FHL2: variants seen among roughly 807,000 people sequenced by gnomAD.
FHL2 encodes four and a half LIM domains 2.
FHL2 carries 20 observed loss-of-function variants against 32.7 expected under a neutral mutation model. That is an observed-to-expected ratio of 0.61 (90% CI 0.43 to 0.89). The LOEUF is 0.89. Ranked by LOEUF, FHL2 falls within the 40% of genes least tolerant of loss-of-function variation. FHL2 has a pLI of 0.00. For missense variants in FHL2, 311 were observed against 358.6 expected, an observed-to-expected ratio of 0.87 and a Z score of 1.07; for synonymous variants, 123 against 128.1, an observed-to-expected ratio of 0.96 and a Z score of 0.27.
At chr2:105,386,018 G>A (rs140608729) in intron 3 of FHL2, 11 of 403,750 alleles carry the variant, frequency 2.7e-5, no homozygotes, top group East Asian at 3.6e-5. Flanking sequence ...TACTCACCAC[G>A]GGGCAAACAG....
intron 5 of FHL2, among the ~76,000 whole-genome samples, chr2:105,366,869 C>G (rs1390135047): frequency 1.3e-5 from 2 of 152,210 alleles, no homozygotes; most frequent in East Asian, 3.9e-4. Context: ...CCTCAGTCTC[C>G]TGAGTAGCTG....
At chr2:105,438,051 T>A (rs1186247395) in intron 1 of FHL2, among the ~76,000 whole-genome samples, 2 of 152,220 alleles carry the variant, frequency 1.3e-5, no homozygotes, top group African/African-American at 2.4e-5. Context: ...CCTTAAAAAA[T>A]GTTTTCCGTT....
intron 1 of FHL2, among the ~76,000 whole-genome samples, chr2:105,421,711 T>C (rs1019306447): frequency 2.0e-5 from 3 of 152,212 alleles, no homozygotes; most frequent in African/African-American, 7.2e-5. Flanking sequence ...AGCTCAGTTA[T>C]ACTATGGCTT....
chr2:105,398,950 A>G lies in FHL2; in HGVS notation c.-184T>C. 5 of 1,526,948 alleles carry G rather than the reference A, an allele frequency of 3.3e-6. No individual in the cohort carries two copies. The South Asian group carries it at 3.8e-5, about 11-fold the overall frequency. The allele number at this position is 1,526,948 out of a possible 1,614,324, so 94.6% of individuals were successfully genotyped here. A position where few individuals can be genotyped will look rare whatever the true frequency, so the allele number is the denominator to read the frequency against. On this transcript the variant is annotated 5_prime_UTR_variant, in exon 1 of 7. Transcript: ENST00000530340. ...GCCCCTCGGCCTCCCTCCGGGGCGC[A>G]GGGGGTTGGAGGTACTCACGGCACC...
chr2:105,433,043 A>G (rs1164129909), intron 1 of FHL2, among the ~76,000 whole-genome samples: 1 of 152,256 alleles, frequency 6.6e-6, no homozygotes, highest in Non-Finnish European at 1.5e-5. Context: ...CACTGTGTGC[A>G]GGTTACAGTG....
chr2:105,383,725 C>T (rs1275347068), intron 3 of FHL2, among the ~76,000 whole-genome samples: 2 of 152,170 alleles, frequency 1.3e-5, no homozygotes, highest in African/African-American at 4.8e-5. Context: ...GGCTTTACTT[C>T]CAGAAAAAAA....
chr2:105,384,884 G>C (rs1210314109), intron 3 of FHL2, among the ~76,000 whole-genome samples: 1 of 152,198 alleles, frequency 6.6e-6, no homozygotes, highest in African/African-American at 2.4e-5. Flanking sequence ...CACAGCAAGT[G>C]AGACACAGAG....
intron 3 of FHL2, among the ~76,000 whole-genome samples, chr2:105,382,831 A>G (rs1681995707): frequency 6.6e-6 from 1 of 152,150 alleles, no homozygotes; most frequent in Non-Finnish European, 1.5e-5. Flanking sequence ...AAAATCACCA[A>G]TTTGTTAAAT....
chr2:105,423,294 T>C (rs1684159988), intron 1 of FHL2, among the ~76,000 whole-genome samples: 1 of 152,258 alleles, frequency 6.6e-6, no homozygotes, highest in Admixed American at 6.5e-5. Flanking sequence ...GCAAGCCACT[T>C]GAAGATTTCA....
Position 105,386,391 on chromosome 2 carries a change from C to A in FHL2, c.126G>T (p.Glu42Asp). ...AGTCACAGCCGATGGGCTTCCCACACTCCTCGCAGGTGTTGGCGAACAGGG... is the reference window on the plus strand; with the variant it reads ...AGTCACAGCCGATGGGCTTCCCACAATCCTCGCAGGTGTTGGCGAACAGGG... ...FETLFANTCE[E>D]CGKPIGCDCK... The change falls in exon 3 of 7, where the codon GAG (glutamate) becomes GAT (aspartate). Residue 42 changes from glutamate to aspartate, a missense_variant. Coordinates refer to ENST00000530340, the MANE Select transcript of FHL2 (RefSeq NM_001318895.3). 6.2e-7 allele frequency: 1 copy of A among 1,614,172 alleles called. No individual in the cohort carries two copies. Among genetic ancestry groups the A allele is most frequent in the East Asian group, 2.2e-5 (1 of 44,868 alleles).
rs536281332 is a variant in FHL2 at position 105,394,637 on chromosome 2, A to G, written c.-25+2010T>C. ...AGAAAGAGAAAAAAGAAAGAAAGAA[A>G]AAAAGTATCTAGCATCCACTTGAAA... On this transcript the variant is annotated intron_variant, in intron 2 of 6. Coordinates refer to ENST00000530340, the MANE Select transcript of FHL2 (RefSeq NM_001318895.3). Among the ~76,000 whole-genome samples, 5 of 152,268 alleles carry G rather than the reference A, an allele frequency of 3.3e-5. 1 individual carries two copies. The highest frequency in any genetic ancestry group is 2.1e-4 in the South Asian group (1 of 4,818).
At chr2:105,375,813 T>C (rs1459301329) in intron 3 of FHL2, 1 of 152,194 alleles carries the variant, frequency 6.6e-6, no homozygotes, top group Non-Finnish European at 1.5e-5. Flanking sequence ...GAACCCAAAC[T>C]GGGTATGCAC....
chr2:105,424,318 C>G (rs948416258), intron 1 of FHL2, among the ~76,000 whole-genome samples: 32 of 152,142 alleles, frequency 2.1e-4, no homozygotes, highest in African/African-American at 7.5e-4. Context: ...AAATCAAAAC[C>G]ACAACGAGAT....
chr2:105,414,702 G>A (rs555663780), intron 1 of FHL2, among the ~76,000 whole-genome samples: 4 of 152,214 alleles, frequency 2.6e-5, no homozygotes, highest in South Asian at 2.1e-4. Flanking sequence ...ACAGGCACAC[G>A]CTACCATGTC....
intron 1 of FHL2, among the ~76,000 whole-genome samples, chr2:105,434,625 C>T (rs530177256): frequency 4.9e-4 from 75 of 152,054 alleles, no homozygotes; most frequent in Admixed American, 2.0e-3. Flanking sequence ...AACTTGGTTG[C>T]ACCCTCGGCA....
At chr2:105,395,044 C>T (rs890877034) in intron 2 of FHL2, among the ~76,000 whole-genome samples, 15 of 152,192 alleles carry the variant, frequency 9.9e-5, no homozygotes, top group African/African-American at 9.6e-5. Flanking sequence ...TGAACCCAGC[C>T]GACAAGAATG....
At chr2:105,421,984 GC>G (rs1271089981) in intron 1 of FHL2, among the ~76,000 whole-genome samples, 2 of 152,152 alleles carry the variant, frequency 1.3e-5, no homozygotes, top group African/African-American at 4.8e-5. Context: ...TCAGCTTTTT[GC>G]CCCTCCTGGG....
At chr2:105,389,295 C>T (rs1048039616) in intron 2 of FHL2, among the ~76,000 whole-genome samples, 5 of 152,324 alleles carry the variant, frequency 3.3e-5, no homozygotes, top group East Asian at 1.9e-4. Context: ...GCAGCCATCT[C>T]GAGTTGGAGC....
rs188279857 is a variant in FHL2, at chr2:105,361,398, C to G, written c.725G>C (p.Arg242Pro). The stretch of plus-strand genomic sequence containing the variant: ...GTTAAAGCAGTCGTTATGCCACTGC[C>G]GTTCCTCAAAGGAGATGTATTTTGT... ...GGTKYISFEE[R>P]QWHNDCFNCK... Residue 242 changes from arginine (R) to proline (P), a missense_variant, in exon 7 of 7, where the codon CGG becomes CCG. By Grantham distance (103) the Arg-to-Pro change is moderately radical. Coordinates refer to ENST00000530340, the MANE Select transcript of FHL2 (RefSeq NM_001318895.3). The G allele has an allele frequency of 5.6e-6, 9 of 1,614,056 alleles. No individual in the cohort carries two copies. The highest frequency in any genetic ancestry group is 7.6e-6 in the Non-Finnish European group (9 of 1,179,946).
Sources: gnomAD v4.1 joint callset for allele counts (sites outside exome capture counted in the v4.1 genomes callset) on GRCh38, gnomAD v4.1.1 for gene constraint, MANE v1.5 for transcripts, NCBI Gene and HGNC (gene_info 2026-07-23, HGNC 2026-07-21) for gene names.